Variants in ARPC2 observed in about 807,000 individuals in gnomAD.
ARPC2 encodes actin-related protein 2/3 complex subunit 2.
Under a neutral mutation model 38.6 loss-of-function variants are expected in ARPC2, and 4 were observed. The observed-to-expected ratio is 0.10, with a 90% confidence interval of 0.05 to 0.24. The LOEUF (loss-of-function observed/expected upper bound fraction) is 0.24, where lower values mean the gene tolerates loss of function less well. Ranked by LOEUF, ARPC2 falls within the 10% of genes least tolerant of loss-of-function variation. The probability of loss-of-function intolerance (pLI) is 1.00; values close to 1 mark genes in which losing one functional copy is unlikely to be tolerated. For synonymous variants in ARPC2, 125 were observed against 140.8 expected, an observed-to-expected ratio of 0.89 and a Z score of 0.79; for missense variants, 229 against 387.3, an observed-to-expected ratio of 0.59 and a Z score of 3.43.
chr2:218,238,880 G>A (rs765657182), intron 6 of ARPC2, 30 bp downstream of exon 6: 1 of 1,530,972 alleles, frequency 6.5e-7, no homozygotes, highest in South Asian at 1.2e-5. Flanking sequence ...CTGAAGCCTG[G>A]ATATGGCTGC....
intron 3 of ARPC2, among the ~76,000 whole-genome samples, chr2:218,228,111 A>G (rs183499066): frequency 9.2e-5 from 14 of 152,254 alleles, no homozygotes; most frequent in African/African-American, 3.4e-4. Context: ...TCCATGTGTT[A>G]ATAATTGTTG....
intron 2 of ARPC2, among the ~76,000 whole-genome samples, chr2:218,218,465 C>G (rs930419991): frequency 1.3e-5 from 2 of 152,260 alleles, no homozygotes; most frequent in Non-Finnish European, 2.9e-5. Flanking sequence ...TCTGCTCCTC[C>G]AAAGCTGCTT....
intron 2 of ARPC2, among the ~76,000 whole-genome samples, chr2:218,224,436 A>G (rs1441399297): frequency 1.3e-5 from 2 of 152,146 alleles, no homozygotes; most frequent in Non-Finnish European, 2.9e-5. Context: ...GCTTCCTCCC[A>G]TTGGTCATCC....
At chr2:218,229,372 A>T (rs762929879) in intron 4 of ARPC2, 2 of 152,476 alleles carry the variant, frequency 1.3e-5, no homozygotes, top group Admixed American at 1.3e-4. Flanking sequence ...TGCCTTGTTC[A>T]CTGGCTTCTT....
intron 2 of ARPC2, among the ~76,000 whole-genome samples, chr2:218,223,666 G>C (rs1274450350): frequency 6.6e-6 from 1 of 152,224 alleles, no homozygotes; most frequent in Non-Finnish European, 1.5e-5. Flanking sequence ...AGAGGAACCT[G>C]AGGCCCGGTG....
chr2:218,228,714 C>A, intron 3 of ARPC2, 24 bp from the exon 4 acceptor site: 1 of 1,422,400 alleles, frequency 7.0e-7, no homozygotes, highest in Non-Finnish European at 9.9e-7. Flanking sequence ...AATTGTTACG[C>A]AATCTTATTT....
intron 2 of ARPC2, among the ~76,000 whole-genome samples, chr2:218,218,960 A>G (rs1054116057): frequency 4.6e-5 from 7 of 152,184 alleles, no homozygotes; most frequent in Admixed American, 3.9e-4. Flanking sequence ...TAAATATTCA[A>G]ATGAATCAGC....
chr2:218,246,218 C>CAAA (rs147821442), intron 8 of ARPC2, among the ~76,000 whole-genome samples: 1 of 116,306 alleles, frequency 8.6e-6, no homozygotes, highest in Admixed American at 8.9e-5. Context: ...CTCTTGTCTC[C>CAAA]AAAAAAAAAA....
At chr2:218,248,986 T>C (rs1690114600) in intron 8 of ARPC2, among the ~76,000 whole-genome samples, 1 of 152,226 alleles carries the variant, frequency 6.6e-6, no homozygotes, top group Admixed American at 6.5e-5. Context: ...CTAATCCTGA[T>C]TCCTTAAAGT....
At chr2:218,224,656 C>T (rs1205259661) in intron 2 of ARPC2, among the ~76,000 whole-genome samples, 1 of 150,910 alleles carries the variant, frequency 6.6e-6, no homozygotes, top group Admixed American at 6.7e-5. Context: ...CCACTTGATA[C>T]TTCAATTCGT....
rs143568322 is a variant in ARPC2, at chr2:218,234,051, C to A, written c.223-301C>A. The A allele has an allele frequency of 9.3e-3, 1,987 of 213,656 alleles. 41 individuals are homozygous for A. Among genetic ancestry groups the A allele is most frequent in the African/African-American group, 0.042 (1,838 of 43,254 alleles). The allele number at this position is 213,656 out of a possible 1,614,324, so 13.2% of individuals were successfully genotyped here. ...GGGCATGGTGGCGCATGCCTATAATCCCAGCTACTTGGGAGGCTCAGGCAG... is the reference window on the plus strand; with the variant it reads ...GGGCATGGTGGCGCATGCCTATAATACCAGCTACTTGGGAGGCTCAGGCAG... On this transcript the variant is annotated intron_variant, in intron 4 of 10. Coordinates refer to ENST00000315717, the MANE Select transcript of ARPC2 (RefSeq NM_152862.3).
chr2:218,245,677 C>A, intron 8 of ARPC2, 131 bp downstream of exon 8: 1 of 1,239,008 alleles, frequency 8.1e-7, no homozygotes, highest in East Asian at 2.4e-5. Flanking sequence ...GTTCCTGTTG[C>A]CATTGCAGTG....
intron 2 of ARPC2, among the ~76,000 whole-genome samples, chr2:218,222,871 A>G (rs931330906): frequency 2.6e-5 from 4 of 152,178 alleles, no homozygotes; most frequent in Non-Finnish European, 5.9e-5. Context: ...ACTACATATT[A>G]AGTAAGCACC....
At chr2:218,231,265 T>C (rs754254690) in intron 4 of ARPC2, among the ~76,000 whole-genome samples, 21 of 152,172 alleles carry the variant, frequency 1.4e-4, no homozygotes, top group Non-Finnish European at 3.1e-4. Context: ...AAGTGAATCA[T>C]GGTTAAAAGT....
chr2:218,244,277 T>G (rs1244138597), intron 7 of ARPC2, among the ~76,000 whole-genome samples: 3 of 152,308 alleles, frequency 2.0e-5, no homozygotes, highest in South Asian at 4.1e-4. Flanking sequence ...ATAGGTGAGG[T>G]CCCAGGCTGG....
intron 2 of ARPC2, among the ~76,000 whole-genome samples, chr2:218,220,087 G>A (rs528763179): frequency 2.0e-5 from 3 of 152,296 alleles, no homozygotes; most frequent in South Asian, 2.1e-4. Flanking sequence ...CTCTCTGAGA[G>A]CCTATTAGCC....
chr2:218,222,919 A>G (rs753364717), intron 2 of ARPC2, among the ~76,000 whole-genome samples: 2 of 152,146 alleles, frequency 1.3e-5, no homozygotes, highest in Non-Finnish European at 2.9e-5. Context: ...GACCTTGTTT[A>G]TCGTATGGCA....
intron 4 of ARPC2, among the ~76,000 whole-genome samples, chr2:218,231,592 GTCTC>G (rs1689635320): frequency 6.6e-6 from 1 of 152,060 alleles, no homozygotes; most frequent in Admixed American, 6.5e-5. Context: ...TGAAGGTCAA[GTCTC>G]TCTGTGCCAC....
chr2:218,231,245 A>G (rs1487978659), intron 4 of ARPC2, among the ~76,000 whole-genome samples: 2 of 152,124 alleles, frequency 1.3e-5, no homozygotes, highest in African/African-American at 4.8e-5. Flanking sequence ...GAGAGGGGGT[A>G]CAAACTGAAA....
Sources: gnomAD v4.1 joint callset for allele counts (sites outside exome capture counted in the v4.1 genomes callset) on GRCh38, gnomAD v4.1.1 for gene constraint, MANE v1.5 for transcripts, NCBI Gene and HGNC (gene_info 2026-07-23, HGNC 2026-07-21) for gene names.